LRP12: variants seen among roughly 807,000 people sequenced by gnomAD.
LRP12 encodes the protein low-density lipoprotein receptor-related protein 12.
LRP12 carries 14 observed loss-of-function variants against 66.0 expected under a neutral mutation model. That is an observed-to-expected ratio of 0.21 (90% confidence interval 0.14 to 0.33). The LOEUF is 0.33. LRP12 is among the 10% of genes least tolerant of loss of function. The pLI, the probability that LRP12 is intolerant of heterozygous loss-of-function variation, is 1.00. For missense variants in LRP12, 889 were observed against 1,053.4 expected (o/e 0.84, Z 2.16); for synonymous variants, 357 against 359.1 (o/e 0.99, Z 0.07).
chr8:104,497,549 A>C lies in LRP12; in HGVS notation c.1003T>G (p.Phe335Val). 6.2e-7 allele frequency: 1 copy of C among 1,613,830 alleles called. No individual in the cohort carries two copies. The highest frequency in any genetic ancestry group is 1.1e-5 in the South Asian group (1 of 90,988). ...ACTGTAAGAGGTGCATGAGAATCAA[A>C]AGCTGTCAACACACGCAAAAGCTTG... Reference protein sequence around the residue: ...PHKLLRVLTAFDSHAPLTVVS... With the variant: ...PHKLLRVLTAVDSHAPLTVVS... Residue 335 changes from phenylalanine to valine, a missense_variant, in exon 5 of 7, where the codon TTT becomes GTT. Physicochemically the swap from Phe to Val is conservative, Grantham distance 50. Transcript: ENST00000276654. This position sits in a 1 kb window ranked among gnomAD's most constrained non-coding sequence, Gnocchi z 4.3.
chr8:104,585,515 C>G (rs1812315725), intron 1 of LRP12, among the ~76,000 whole-genome samples: 2 of 152,308 alleles, frequency 1.3e-5, no homozygotes, highest in South Asian at 2.1e-4. Context: ...CTTGAGTCAC[C>G]ACGCCTGGCC....
At chr8:104,587,773 C>T (rs78097477) in intron 1 of LRP12, among the ~76,000 whole-genome samples, 10,302 of 152,238 alleles carry the variant, frequency 0.068, 400 homozygotes, top group South Asian at 0.08. Context: ...ATGTTTGTGG[C>T]AAATGAATTA....
At chr8:104,519,347 A>T (rs186261066) in intron 2 of LRP12, among the ~76,000 whole-genome samples, 13 of 152,160 alleles carry the variant, frequency 8.5e-5, no homozygotes, top group African/African-American at 3.1e-4. Flanking sequence ...CATTCTTTTT[A>T]AAAAAGAAGT....
chr8:104,491,180 T>C lies in LRP12; in HGVS notation c.2073A>G (p.Ala691=), dbSNP rs1810621479. 2.5e-6 allele frequency: 4 copies of C among 1,614,008 alleles called. No individual in the cohort carries two copies. The highest frequency in any genetic ancestry group is 2.7e-5 in the African/African-American group (2 of 74,906). Residue 691 remains alanine, a synonymous_variant, in exon 7 of 7, where the codon GCA becomes GCG. Coordinates refer to ENST00000276654, the MANE Select transcript of LRP12 (RefSeq NM_013437.5). Reference sequence around the variant, plus strand: ...TACTCTGAGTTGAGGAACTTGCACATGCTCCTACTGTCGCTTCTACTGCCG... The same window carrying C: ...TACTCTGAGTTGAGGAACTTGCACACGCTCCTACTGTCGCTTCTACTGCCG... ...PTTAVEATVG[A]CASSSTQSTR...
chr8:104,578,200 C>A (rs2140898918), intron 1 of LRP12, among the ~76,000 whole-genome samples: 1 of 151,580 alleles, frequency 6.6e-6, no homozygotes, highest in Middle Eastern at 3.4e-3. Flanking sequence ...CAATCAGAAA[C>A]AACAAAGGGG....
chr8:104,548,175 T>TA (rs1156283735), intron 1 of LRP12, among the ~76,000 whole-genome samples: 2 of 100,850 alleles, frequency 2.0e-5, no homozygotes, highest in African/African-American at 4.5e-5. Context: ...ATATATAATA[T>TA]AATATATAAT....
chr8:104,491,454 C>T lies in LRP12; in HGVS notation c.1799G>A (p.Ser600Asn). ...SVRLPMAGRS[S>N]NIWNRIFNFA... ...ATTAAAAATACGGTTCCAAATGTTGCTTGATCTGCCTGCCATAGGAAGCCT... is the reference window on the plus strand; with the variant it reads ...ATTAAAAATACGGTTCCAAATGTTGTTTGATCTGCCTGCCATAGGAAGCCT... The change falls in exon 7 of 7, where the codon AGC (serine) becomes AAC (asparagine). Residue 600 changes from serine (S) to asparagine (N), a missense_variant. Coordinates refer to ENST00000276654, the MANE Select transcript of LRP12 (RefSeq NM_013437.5). 4 of 1,614,060 alleles carry T rather than the reference C, an allele frequency of 2.5e-6. No homozygotes were observed. Among genetic ancestry groups the T allele is most frequent in the Non-Finnish European group, 3.4e-6 (4 of 1,180,004 alleles).
At position 104,527,215 on chromosome 8, in the gene LRP12, C is replaced by G. The variant is rs923529616; in HGVS notation, c.136+4692G>C. Among the ~76,000 whole-genome samples, 13 of 143,880 alleles carry G rather than the reference C, an allele frequency of 9.0e-5. 1 individual carries two copies. The highest frequency in any genetic ancestry group is 3.6e-4 in the African/African-American group (13 of 35,832). The allele number at this position is 143,880 out of a possible 152,430, so 94.4% of individuals were successfully genotyped here. On this transcript the variant is annotated intron_variant, in intron 2 of 6. Transcript: ENST00000276654. ...TGGAGAGGATGTGGAGAAATAGGAA[C>G]ACTTTTACACTGTTGGTGGGACTGT...
chr8:104,514,919 A>G (rs1811055148), intron 2 of LRP12, among the ~76,000 whole-genome samples: 1 of 152,204 alleles, frequency 6.6e-6, no homozygotes, highest in Non-Finnish European at 1.5e-5. Flanking sequence ...TGAGATGGCT[A>G]CTAAGGCTGT....
chr8:104,520,979 A>G (rs1811139879), intron 2 of LRP12, among the ~76,000 whole-genome samples: 1 of 152,020 alleles, frequency 6.6e-6, no homozygotes, highest in Admixed American at 6.6e-5. Flanking sequence ...CACTTCTACC[A>G]TCTAAGCACT....
chr8:104,492,387 T>C (rs1232610870), intron 6 of LRP12, among the ~76,000 whole-genome samples: 4 of 152,190 alleles, frequency 2.6e-5, no homozygotes, highest in Admixed American at 6.5e-5. Flanking sequence ...TATAGCATTA[T>C]ATAAGATAGT....
chr8:104,586,159 T>C (rs1290852028), intron 1 of LRP12, among the ~76,000 whole-genome samples: 1 of 152,228 alleles, frequency 6.6e-6, no homozygotes, highest in African/African-American at 2.4e-5. Context: ...CAACTACTTC[T>C]AGAAAACATT....
At chr8:104,568,380 T>C (rs1436663044) in intron 1 of LRP12, among the ~76,000 whole-genome samples, 1 of 152,180 alleles carries the variant, frequency 6.6e-6, no homozygotes, top group Non-Finnish European at 1.5e-5. Flanking sequence ...AATGGATTCT[T>C]AGATATAATA....
chr8:104,514,362 T>A (rs185076913), intron 2 of LRP12, among the ~76,000 whole-genome samples: 44 of 152,182 alleles, frequency 2.9e-4, no homozygotes, highest in Non-Finnish European at 1.0e-4. Flanking sequence ...TTACTCATTT[T>A]ACATTATAGA....
At chr8:104,581,840 A>AT (rs1812253325) in intron 1 of LRP12, among the ~76,000 whole-genome samples, 1 of 152,206 alleles carries the variant, frequency 6.6e-6, no homozygotes, top group Non-Finnish European at 1.5e-5. Flanking sequence ...GTTTCTTCTA[A>AT]TAATACCTAC....
chr8:104,561,823 T>G (rs1185316239), intron 1 of LRP12, among the ~76,000 whole-genome samples: 1 of 152,172 alleles, frequency 6.6e-6, no homozygotes, highest in Admixed American at 6.5e-5. Flanking sequence ...TACTAGTCTT[T>G]GGTAGCTTCC....
At chr8:104,508,702 TAGA>T (rs1363997514) in intron 3 of LRP12, 1 of 357,548 alleles carries the variant, frequency 2.8e-6, no homozygotes, top group Non-Finnish European at 5.0e-6. Context: ...AAAAGTAGCT[TAGA>T]AGAATATAGA....
intron 1 of LRP12, among the ~76,000 whole-genome samples, chr8:104,576,992 A>G (rs1812174380): frequency 6.6e-6 from 1 of 152,246 alleles, no homozygotes; most frequent in African/African-American, 2.4e-5. Context: ...CGAAAAAGAC[A>G]AAGAAGAACA....
Position 104,494,298 on chromosome 8 carries a change from T to C in LRP12, c.1713+779A>G, listed in dbSNP as rs61579163. On this transcript the variant is annotated intron_variant, in intron 6 of 6. Coordinates refer to ENST00000276654, the MANE Select transcript of LRP12 (RefSeq NM_013437.5). ...TACATATGGAGAAATGTTTTGAAAC[T>C]ACAAATTCTCACCAAAGATTTCCTA... Among the ~76,000 whole-genome samples, 787 of 152,330 alleles carry C rather than the reference T, an allele frequency of 5.2e-3. 13 individuals are homozygous for C. The highest frequency in any genetic ancestry group is 0.047 in the East Asian group (244 of 5,184).
Sources: gnomAD v4.1 joint callset for allele counts (sites outside exome capture counted in the v4.1 genomes callset) on GRCh38, gnomAD v4.1.1 for gene constraint, Gnocchi (gnomAD v3.1) non-coding constraint, MANE v1.5 for transcripts, NCBI Gene and HGNC (gene_info 2026-07-23, HGNC 2026-07-21) for gene names.